Variants in ANKS1B observed in about 807,000 individuals in gnomAD.
ANKS1B encodes the protein ankyrin repeat and sterile alpha motif domain-containing protein 1B.
Under a neutral mutation model 148.3 loss-of-function variants are expected in ANKS1B, and 36 were observed. The observed-to-expected ratio is 0.24, with a 90% CI of 0.19 to 0.32. ANKS1B has a LOEUF of 0.32. Ranked by LOEUF, ANKS1B falls within the 10% of genes least tolerant of loss-of-function variation. ANKS1B has a pLI of 1.00. For missense variants in ANKS1B, 1,157 were observed against 1,542.6 expected (o/e 0.75, Z 4.19); for synonymous variants, 542 against 560.8 (o/e 0.97, Z 0.47).
At chr12:99,477,273 A>C (rs1595573053) in intron 10 of ANKS1B, among the ~76,000 whole-genome samples, 1 of 152,182 alleles carries the variant, frequency 6.6e-6, no homozygotes, top group East Asian at 1.9e-4. Context: ...TGTGGAGAAA[A>C]AGACTGCAGG....
chr12:99,140,590 A>G (rs1361237168), intron 15 of ANKS1B, among the ~76,000 whole-genome samples: 1 of 152,188 alleles, frequency 6.6e-6, no homozygotes, highest in Non-Finnish European at 1.5e-5. Flanking sequence ...AATTCTTAAT[A>G]AAACCTTGCG....
chr12:99,214,342 C>T (rs2083814596), intron 14 of ANKS1B, among the ~76,000 whole-genome samples: 1 of 151,852 alleles, frequency 6.6e-6, no homozygotes, highest in Non-Finnish European at 1.5e-5. Flanking sequence ...TGGCTGTGTC[C>T]CCACCCAAAT....
chr12:99,300,272 A>G (rs1474660786), intron 12 of ANKS1B, among the ~76,000 whole-genome samples: 1 of 152,162 alleles, frequency 6.6e-6, no homozygotes, highest in Non-Finnish European at 1.5e-5. Flanking sequence ...CTACAGATAC[A>G]TCTAATGAAT....
At chr12:99,719,677 T>C (rs887454162) in intron 8 of ANKS1B, among the ~76,000 whole-genome samples, 2 of 152,166 alleles carry the variant, frequency 1.3e-5, no homozygotes, top group African/African-American at 4.8e-5. Flanking sequence ...ATGCCTTCCA[T>C]ATTCTGCACC....
intron 8 of ANKS1B, among the ~76,000 whole-genome samples, chr12:99,717,566 A>G (rs2057491739): frequency 6.6e-6 from 1 of 152,274 alleles, no homozygotes; most frequent in African/African-American, 2.4e-5. Flanking sequence ...TGGACTGTTC[A>G]ACTCACCTGG....
At position 99,005,174 on chromosome 12, in the gene ANKS1B, G is replaced by C. The variant is rs532469314; in HGVS notation, c.2778+47983C>G. ...CACATCTCTCCAAAGTTTCCCACCAGGGGCCAACTGTTCATTAAACAGGGA... is the reference window on the plus strand; with the variant it reads ...CACATCTCTCCAAAGTTTCCCACCACGGGCCAACTGTTCATTAAACAGGGA... On this transcript the variant is annotated intron_variant, in intron 17 of 26. Transcript: ENST00000683438. 2.0e-5 allele frequency among the ~76,000 whole-genome samples: 3 copies of C among 152,336 alleles called. No homozygotes were observed. The South Asian group carries it at 6.2e-4, about 32-fold the overall frequency.
chr12:99,721,645 T>A (rs1024732505), intron 8 of ANKS1B, among the ~76,000 whole-genome samples: 2 of 152,220 alleles, frequency 1.3e-5, no homozygotes, highest in Non-Finnish European at 2.9e-5. Context: ...GCTGACTCTC[T>A]TTTCGGACTC....
At chr12:99,088,190 T>C (rs888218665) in intron 15 of ANKS1B, among the ~76,000 whole-genome samples, 3 of 152,196 alleles carry the variant, frequency 2.0e-5, no homozygotes, top group African/African-American at 7.2e-5. Context: ...TTAGAAATTT[T>C]CTATTTTATC....
intron 12 of ANKS1B, among the ~76,000 whole-genome samples, chr12:99,249,911 C>T (rs190120554): frequency 6.6e-6 from 1 of 152,222 alleles, no homozygotes; most frequent in Non-Finnish European, 1.5e-5. Flanking sequence ...TGACACATTA[C>T]CCAGCTGTTT....
intron 8 of ANKS1B, among the ~76,000 whole-genome samples, chr12:99,714,772 T>C (rs1035794466): frequency 2.0e-5 from 3 of 152,030 alleles, no homozygotes; most frequent in Admixed American, 6.6e-5. Context: ...TAAATAACCC[T>C]ATAATGGCTT....
chr12:99,015,990 TA>T (rs146938402), intron 17 of ANKS1B, among the ~76,000 whole-genome samples: 6,657 of 152,288 alleles, frequency 0.044, 169 homozygotes, highest in Middle Eastern at 0.071. Flanking sequence ...TAGAATTAAA[TA>T]GGAGAAAAAA....
chr12:99,765,303 T>A (rs2062543247), intron 8 of ANKS1B, among the ~76,000 whole-genome samples: 1 of 152,216 alleles, frequency 6.6e-6, no homozygotes, highest in African/African-American at 2.4e-5. Context: ...AATGCTAGCT[T>A]CTAGTGTTAC....
At chr12:98,958,710 A>G (rs1385640292) in intron 17 of ANKS1B, among the ~76,000 whole-genome samples, 1 of 152,248 alleles carries the variant, frequency 6.6e-6, no homozygotes, top group African/African-American at 2.4e-5. Context: ...TAAGCTATAA[A>G]CATTTTAATT....
intron 9 of ANKS1B, among the ~76,000 whole-genome samples, chr12:99,638,033 T>C (rs1472407619): frequency 1.3e-5 from 2 of 151,920 alleles, no homozygotes; most frequent in East Asian, 3.9e-4. Context: ...GATCTGATGG[T>C]TTATAAGGGT....
chr12:99,452,609 G>A (rs2095763294), intron 10 of ANKS1B, among the ~76,000 whole-genome samples: 1 of 152,122 alleles, frequency 6.6e-6, no homozygotes, highest in African/African-American at 2.4e-5. Flanking sequence ...AAACAGTACA[G>A]AAATCATAAG....
rs12305244 is a variant in ANKS1B at position 99,883,325 on chromosome 12, G to A, written c.135-57936C>T. On this transcript the variant is annotated intron_variant, in intron 1 of 26. Coordinates refer to ENST00000683438, the MANE Select transcript of ANKS1B (RefSeq NM_001352186.2). The stretch of plus-strand genomic sequence containing the variant: ...ATAAGAGGTGTTGGAACAAATGGAC[G>A]TTTCGAAGCAAAAAAACAAACAAAC... Among the ~76,000 whole-genome samples, 1,340 of 149,128 alleles carry A rather than the reference G, an allele frequency of 9.0e-3. 18 individuals are homozygous for A. The highest frequency in any genetic ancestry group is 0.031 in the African/African-American group (1,271 of 40,472).
At chr12:99,585,121 T>C (rs965623815) in intron 9 of ANKS1B, among the ~76,000 whole-genome samples, 2 of 152,170 alleles carry the variant, frequency 1.3e-5, no homozygotes, top group Non-Finnish European at 2.9e-5. Context: ...AGGCAAGTCC[T>C]TTCTGCCTAT....
chr12:99,503,226 G>C (rs147820559), intron 10 of ANKS1B, among the ~76,000 whole-genome samples: 43 of 152,174 alleles, frequency 2.8e-4, no homozygotes, highest in Non-Finnish European at 2.5e-4. Flanking sequence ...TCTGTAATAG[G>C]CTAGTGCTAA....
intron 10 of ANKS1B, among the ~76,000 whole-genome samples, chr12:99,483,399 TA>T (rs1408894139): frequency 2.6e-5 from 4 of 151,964 alleles, no homozygotes; most frequent in African/African-American, 9.7e-5. Flanking sequence ...TTTGGTTAGC[TA>T]GTATTTTGTT....
Sources: gnomAD v4.1 joint callset for allele counts (sites outside exome capture counted in the v4.1 genomes callset) on GRCh38, gnomAD v4.1.1 for gene constraint, MANE v1.5 for transcripts, NCBI Gene and HGNC (gene_info 2026-07-23, HGNC 2026-07-21) for gene names.